The following USP4 variants were observed in gnomAD, a reference collection of about 807,000 sequenced individuals.
USP4 encodes ubiquitin carboxyl-terminal hydrolase 4.
USP4 carries 72 observed loss-of-function variants against 118.2 expected under a neutral mutation model. The ratio of observed to expected loss-of-function variants is 0.61; its 90% CI spans 0.50 to 0.74. The LOEUF is 0.74. Ranked by LOEUF, USP4 falls within the 30% of genes least tolerant of loss-of-function variation. The pLI is 0.00. For missense variants in USP4, 1,037 were observed against 1,185.7 expected, an observed-to-expected ratio of 0.87 and a Z score of 1.84; for synonymous variants, 415 against 440.4, an observed-to-expected ratio of 0.94 and a Z score of 0.72.
chr3:49,320,748 T>C (rs965666044), intron 6 of USP4, among the ~76,000 whole-genome samples: 2 of 152,192 alleles, frequency 1.3e-5, no homozygotes, highest in African/African-American at 4.8e-5. Context: ...TTCTTTTTTT[T>C]CCCCCTTTTT....
chr3:49,315,739 G>A (rs942621234), intron 6 of USP4, among the ~76,000 whole-genome samples: 3 of 152,110 alleles, frequency 2.0e-5, no homozygotes, highest in Admixed American at 6.6e-5. Flanking sequence ...CAACTCAAAC[G>A]TGTGCCTGAT....
chr3:49,294,833 G>A (rs1488471322), intron 13 of USP4, among the ~76,000 whole-genome samples: 1 of 152,196 alleles, frequency 6.6e-6, no homozygotes, highest in East Asian at 1.9e-4. Flanking sequence ...GGCTAACCGT[G>A]ATACTCCTTC....
chr3:49,317,000 G>A (rs1246473344), intron 6 of USP4: 1 of 733,560 alleles, frequency 1.4e-6, no homozygotes. Flanking sequence ...GGCAGCTGCT[G>A]CCATGAAGAA....
intron 11 of USP4, among the ~76,000 whole-genome samples, chr3:49,300,172 G>A (rs2047250049): frequency 6.6e-6 from 1 of 152,068 alleles, no homozygotes; most frequent in Non-Finnish European, 1.5e-5. Context: ...CTTGAACCTG[G>A]GAGGAAGACG....
intron 14 of USP4, among the ~76,000 whole-genome samples, chr3:49,293,878 A>G (rs17080495): frequency 0.024 from 3,705 of 152,202 alleles, 166 homozygotes; most frequent in African/African-American, 0.085. Context: ...ACATGATTCT[A>G]AGAGGACTGG....
At chr3:49,293,985 T>TC (rs2047177578) in intron 14 of USP4, among the ~76,000 whole-genome samples, 1 of 151,146 alleles carries the variant, frequency 6.6e-6, no homozygotes, top group African/African-American at 2.4e-5. Flanking sequence ...CATTTTTTTT[T>TC]TTTTTTTTGA....
intron 9 of USP4, among the ~76,000 whole-genome samples, chr3:49,304,921 G>T (rs1267006000): frequency 4.0e-5 from 6 of 151,630 alleles, no homozygotes; most frequent in African/African-American, 1.5e-4. Flanking sequence ...GCACCACCAC[G>T]CCTGGCTAAT....
intron 18 of USP4, 83 bp from the exon 19 acceptor site, chr3:49,284,219 T>TCCC: frequency 6.5e-7 from 1 of 1,543,348 alleles, no homozygotes; most frequent in Non-Finnish European, 8.9e-7. Flanking sequence ...ACAGCTGCAG[T>TCCC]CCCCTGATAG....
chr3:49,286,564 G>A (rs2107768037), intron 15 of USP4, among the ~76,000 whole-genome samples: 1 of 152,144 alleles, frequency 6.6e-6, no homozygotes, highest in East Asian at 1.9e-4. Flanking sequence ...GCTTAAATGA[G>A]CCACCTGCAG....
intron 2 of USP4, among the ~76,000 whole-genome samples, chr3:49,330,912 G>A (rs1275721713): frequency 2.0e-5 from 3 of 151,888 alleles, no homozygotes; most frequent in African/African-American, 7.2e-5. Context: ...CAGCTACTCA[G>A]GAGGCTGAGG....
chr3:49,336,649 C>T (rs980319134), intron 1 of USP4, among the ~76,000 whole-genome samples: 2 of 151,526 alleles, frequency 1.3e-5, no homozygotes, highest in African/African-American at 2.4e-5. Context: ...CTCAGTCTCC[C>T]GTAGCTGGGA....
At chr3:49,311,851 A>T in intron 6 of USP4, 197 bp from the exon 7 acceptor site, 1 of 1,277,070 alleles carries the variant, frequency 7.8e-7, no homozygotes, top group Non-Finnish European at 1.0e-6. Flanking sequence ...TTCCTGTCAC[A>T]TCAGTCCACA....
intron 2 of USP4, 93 bp downstream of exon 2, chr3:49,335,376 T>C (rs969098031): frequency 1.3e-6 from 2 of 1,556,008 alleles, no homozygotes; most frequent in East Asian, 2.3e-5. Context: ...CTCCTCACAC[T>C]AGGAAAGTTC....
intron 6 of USP4, 128 bp from the exon 7 acceptor site, chr3:49,311,782 G>A: frequency 1.4e-6 from 2 of 1,411,382 alleles, no homozygotes; most frequent in South Asian, 1.5e-5. Context: ...CAAAAAGCCT[G>A]TATTCATACT....
intron 11 of USP4, 72 bp from the exon 12 acceptor site, chr3:49,298,707 C>A: frequency 7.4e-7 from 1 of 1,342,666 alleles, no homozygotes; most frequent in Non-Finnish European, 1.1e-6. Context: ...GAGAAGCAGG[C>A]ATCACTAGGG....
intron 6 of USP4, among the ~76,000 whole-genome samples, chr3:49,314,988 T>A (rs909248662): frequency 2.6e-5 from 4 of 152,116 alleles, no homozygotes; most frequent in Non-Finnish European, 5.9e-5. Context: ...TATTTGATGT[T>A]TAAAATGTTC....
intron 10 of USP4, 137 bp downstream of exon 10, chr3:49,302,247 T>A: frequency 7.1e-6 from 5 of 701,112 alleles, no homozygotes; most frequent in South Asian, 2.6e-5. Flanking sequence ...CCAGAGACCA[T>A]ATCCCTATAA....
intron 19 of USP4, among the ~76,000 whole-genome samples, chr3:49,281,529 CACATATAT>C (rs2047028476): frequency 2.7e-5 from 4 of 145,912 alleles, no homozygotes; most frequent in Admixed American, 7.0e-5. Flanking sequence ...CACACACACA[CACATATAT>C]ACATTTATAT....
intron 10 of USP4, among the ~76,000 whole-genome samples, chr3:49,301,307 A>G (rs2047260558): frequency 6.6e-6 from 1 of 152,122 alleles, no homozygotes. Flanking sequence ...GTGTGTCCTG[A>G]TAAGAAACAG....
Sources: allele counts gnomAD v4.1 joint callset (sites outside exome capture counted in the v4.1 genomes callset), GRCh38; gene constraint gnomAD v4.1.1; transcripts MANE v1.5; gene names NCBI Gene and HGNC (gene_info 2026-07-23, HGNC 2026-07-21).